The following NCR3LG1 variants were observed in gnomAD, a reference collection of about 807,000 sequenced individuals.
NCR3LG1 encodes natural killer cell cytotoxicity receptor 3 ligand 1, also known as natural cytotoxicity triggering receptor 3 ligand 1.
In NCR3LG1, 35 loss-of-function variants were observed where a neutral mutation model predicts 34.8. That is an observed-to-expected ratio of 1.01 (90% CI 0.77 to 1.33). The LOEUF (loss-of-function observed/expected upper bound fraction) is 1.33. Ranked by LOEUF, NCR3LG1 falls within the 40% of genes most tolerant of loss-of-function variation. The pLI is 0.00. For missense variants in NCR3LG1, 452 were observed against 423.3 expected, an observed-to-expected ratio of 1.07 and a Z score of -0.60; for synonymous variants, 173 against 163.6, an observed-to-expected ratio of 1.06 and a Z score of -0.44.
At chr11:17,362,777 CTTCT>C (rs1953293754) in intron 2 of NCR3LG1, among the ~76,000 whole-genome samples, 1 of 108,130 alleles carries the variant, frequency 9.2e-6, no homozygotes, top group African/African-American at 4.2e-5. Flanking sequence ...TCCTTCCTTC[CTTCT>C]TTCCTTCTTT....
At chr11:17,378,687 A>G (rs1953496464), downstream of NCR3LG1, among the ~76,000 whole-genome samples, 1 of 152,058 alleles carries the variant, frequency 6.6e-6, no homozygotes, top group Non-Finnish European at 1.5e-5. Flanking sequence ...GAAGCAGGGA[A>G]TGAGAAAGGA....
intron 1 of NCR3LG1, among the ~76,000 whole-genome samples, chr11:17,353,953 G>T (rs1209219173): frequency 2.0e-5 from 3 of 152,072 alleles, no homozygotes; most frequent in Admixed American, 6.5e-5. Flanking sequence ...GCTATTCTGC[G>T]TGGAAGCAAA....
chr11:17,374,954 G>C lies in NCR3LG1; in HGVS notation c.*2442G>C, dbSNP rs1052192086. On this transcript the variant is annotated 3_prime_UTR_variant, in exon 5 of 5. Coordinates refer to ENST00000338965, the MANE Select transcript of NCR3LG1 (RefSeq NM_001202439.3). The stretch of plus-strand genomic sequence containing the variant: ...AGTTTTAATTCAAGTTCAAGGCCCA[G>C]CTCAACAGCCAGTAGGTTACTTAAG... 2.0e-5 allele frequency: 3 copies of C among 152,210 alleles called. No homozygotes were observed. Among genetic ancestry groups the C allele is most frequent in the Non-Finnish European group, 4.4e-5 (3 of 68,050 alleles). 9.4% of individuals were successfully genotyped at this position (152,210 alleles called of 1,614,324 possible). A position where few individuals can be genotyped will look rare whatever the true frequency, so the allele number is the denominator to read the frequency against.
rs1283994955 is a variant in NCR3LG1 at position 17,367,339 on chromosome 11, G to A, written c.752G>A (p.Ser251Asn). ...TTTACCCTGACTGCTGCTCGGCACA[G>A]TCTTTCTGGTAAGGGTCTTTCTGGA... ...SNFTLTAARHSLSETEKTDNF... is the reference protein window; with the variant it reads ...SNFTLTAARHNLSETEKTDNF... The change falls in exon 3 of 5, where the codon AGT becomes AAT. Residue 251 changes from serine to asparagine, a missense_variant. By Grantham distance (46) the Ser-to-Asn change is conservative. Transcript: ENST00000338965. 1.1e-5 allele frequency: 17 copies of A among 1,532,508 alleles called. No homozygotes were observed. Among genetic ancestry groups the A allele is most frequent in the Non-Finnish European group, 1.5e-5 (17 of 1,144,480 alleles). 94.9% of individuals were successfully genotyped at this position (1,532,508 alleles called of 1,614,324 possible).
chr11:17,380,913 T>C (rs541132423), downstream of NCR3LG1: 2 of 152,364 alleles, frequency 1.3e-5, no homozygotes, highest in South Asian at 4.1e-4. Context: ...TGACCAGAAA[T>C]ATGCTGTGAA....
At chr11:17,377,596 C>T (rs1309190585), downstream of NCR3LG1, among the ~76,000 whole-genome samples, 1 of 152,214 alleles carries the variant, frequency 6.6e-6, no homozygotes, top group African/African-American at 2.4e-5. Context: ...TAGATATCCC[C>T]ATCCCAAAGA....
intron 2 of NCR3LG1, among the ~76,000 whole-genome samples, chr11:17,359,501 CTTT>C (rs34224243): frequency 7.3e-6 from 1 of 136,662 alleles, no homozygotes; most frequent in Non-Finnish European, 1.6e-5. Flanking sequence ...TTGGCAATTC[CTTT>C]TTTTTTTTTT....
At chr11:17,359,432 T>C (rs1591679694) in intron 2 of NCR3LG1, among the ~76,000 whole-genome samples, 1 of 152,210 alleles carries the variant, frequency 6.6e-6, no homozygotes, top group South Asian at 2.1e-4. Flanking sequence ...GTTTATTGAA[T>C]TAATTATTAA....
chr11:17,370,517 C>T (rs567002753), intron 4 of NCR3LG1, among the ~76,000 whole-genome samples: 30 of 152,262 alleles, frequency 2.0e-4, no homozygotes, highest in African/African-American at 5.8e-4. Context: ...GCTTTTAGAG[C>T]GGCTGCCAAC....
intron 2 of NCR3LG1, among the ~76,000 whole-genome samples, chr11:17,362,306 G>C (rs1953277667): frequency 6.6e-6 from 1 of 152,138 alleles, no homozygotes; most frequent in Admixed American, 6.5e-5. Context: ...CCTTGCATAT[G>C]TGTAATATGC....
At chr11:17,358,845 C>G (rs1473890465) in intron 2 of NCR3LG1, among the ~76,000 whole-genome samples, 3 of 152,170 alleles carry the variant, frequency 2.0e-5, no homozygotes, top group African/African-American at 7.2e-5. Flanking sequence ...ATTTTTCCAG[C>G]TTTGGCCACG....
At chr11:17,352,465 G>A (rs1591675335) in intron 1 of NCR3LG1, among the ~76,000 whole-genome samples, 1 of 148,478 alleles carries the variant, frequency 6.7e-6, no homozygotes, top group Non-Finnish European at 1.5e-5. Context: ...GTGAGCCCCC[G>A]CGCCCGGCCT....
At position 17,352,073 on chromosome 11, in the gene NCR3LG1, C is replaced by G. The variant is rs1405618101; in HGVS notation, c.70+34C>G. 4 of 1,394,254 alleles carry G rather than the reference C, an allele frequency of 2.9e-6. No homozygotes were observed. The Admixed American group carries it at 9.5e-5, about 33-fold the overall frequency. The allele number at this position is 1,394,254 out of a possible 1,614,324, so 86.4% of individuals were successfully genotyped here. A position where few individuals can be genotyped will look rare whatever the true frequency, so the allele number is the denominator to read the frequency against. On this transcript the variant is annotated intron_variant, in intron 1 of 4. Transcript: ENST00000338965. ...CGGCTGGGGTGGGCTGGGGCGGGGG[C>G]TCCTGGCGCCAGAGGGTCCTCGCGG...
At chr11:17,358,986 T>A (rs1288880694) in intron 2 of NCR3LG1, among the ~76,000 whole-genome samples, 2 of 152,220 alleles carry the variant, frequency 1.3e-5, no homozygotes, top group Non-Finnish European at 2.9e-5. Context: ...TTTTGTTTGA[T>A]TTTAAGCACT....
At chr11:17,365,389 T>C (rs1265873744) in intron 2 of NCR3LG1, among the ~76,000 whole-genome samples, 1 of 152,222 alleles carries the variant, frequency 6.6e-6, no homozygotes, top group African/African-American at 2.4e-5. Flanking sequence ...GTTGATGTGG[T>C]AGTAAAGTGT....
downstream of NCR3LG1, among the ~76,000 whole-genome samples, chr11:17,377,664 G>C (rs1311373382): frequency 1.3e-5 from 2 of 152,208 alleles, no homozygotes; most frequent in African/African-American, 4.8e-5. Context: ...ATCTGCCTGT[G>C]TCTCTCACAA....
intron 2 of NCR3LG1, among the ~76,000 whole-genome samples, 161 bp downstream of exon 2, chr11:17,357,162 C>T (rs547019071): frequency 6.6e-6 from 1 of 152,350 alleles, no homozygotes; most frequent in Non-Finnish European, 1.5e-5. Flanking sequence ...GCTGCCATAA[C>T]AAAATACCAT....
intron 2 of NCR3LG1, among the ~76,000 whole-genome samples, chr11:17,359,444 C>G (rs1953245674): frequency 6.6e-6 from 1 of 151,902 alleles, no homozygotes; most frequent in African/African-American, 2.4e-5. Flanking sequence ...AATTATTAAC[C>G]TGTACTCCGA....
chr11:17,363,734 C>T (rs1400323443), intron 2 of NCR3LG1, among the ~76,000 whole-genome samples: 2 of 151,878 alleles, frequency 1.3e-5, no homozygotes, highest in Non-Finnish European at 2.9e-5. Flanking sequence ...GTAGCTGGGG[C>T]CACACGCGGG....
Sources: gnomAD v4.1 joint callset for allele counts (sites outside exome capture counted in the v4.1 genomes callset) on GRCh38, gnomAD v4.1.1 for gene constraint, MANE v1.5 for transcripts, NCBI Gene and HGNC (gene_info 2026-07-23, HGNC 2026-07-21) for gene names.